The following NPAS3 variants were observed in gnomAD, a reference collection of about 807,000 sequenced individuals.
NPAS3 encodes the protein neuronal PAS domain protein 3, also known as neuronal PAS domain-containing protein 3.
A neutral mutation model predicts 73.1 loss-of-function variants in NPAS3; 14 were observed. That is an observed-to-expected ratio of 0.19 (90% CI 0.13 to 0.30). The LOEUF (loss-of-function observed/expected upper bound fraction) is 0.30, where lower values mean the gene tolerates loss of function less well. Among genes scored for constraint, NPAS3 ranks in the 10% least tolerant of loss-of-function variants. The probability of loss-of-function intolerance (pLI) is 1.00; values close to 1 mark genes in which losing one functional copy is unlikely to be tolerated. For missense variants in NPAS3, 1,096 were observed against 1,250.0 expected (o/e 0.88, Z 1.86); for synonymous variants, 620 against 541.5 (o/e 1.14, Z -2.01).
At chr14:33,421,032 T>C (rs2048341397) in intron 4 of NPAS3, among the ~76,000 whole-genome samples, 1 of 151,974 alleles carries the variant, frequency 6.6e-6, no homozygotes, top group Non-Finnish European at 1.5e-5. Context: ...TTTCATGCTA[T>C]ATTACTTTGT....
At chr14:33,172,087 A>T (rs117166791) in intron 2 of NPAS3, among the ~76,000 whole-genome samples, 90 of 152,302 alleles carry the variant, frequency 5.9e-4, no homozygotes, top group African/African-American at 2.1e-3. Context: ...CAAATGTAAC[A>T]GTGACATCAA....
intron 3 of NPAS3, among the ~76,000 whole-genome samples, chr14:33,220,302 A>G (rs2047376360): frequency 6.6e-6 from 1 of 152,170 alleles, no homozygotes; most frequent in Non-Finnish European, 1.5e-5. Context: ...GTGGGTACCC[A>G]GTGGAAACAG....
At chr14:33,421,151 G>T (rs1401313250) in intron 4 of NPAS3, among the ~76,000 whole-genome samples, 1 of 151,792 alleles carries the variant, frequency 6.6e-6, no homozygotes, top group Admixed American at 6.6e-5. Context: ...ATTTGTATGT[G>T]TATATAATCA....
intron 2 of NPAS3, among the ~76,000 whole-genome samples, chr14:33,197,264 TGTG>T (rs2046397196): frequency 1.2e-4 from 18 of 150,104 alleles, no homozygotes; most frequent in Admixed American, 2.0e-4. Flanking sequence ...TGTGTGTGTG[TGTG>T]TTCTTTTTCA....
intron 3 of NPAS3, among the ~76,000 whole-genome samples, chr14:33,281,488 C>T (rs956340679): frequency 2.0e-5 from 3 of 151,978 alleles, no homozygotes; most frequent in Non-Finnish European, 2.9e-5. Context: ...AAAAATTAGC[C>T]GGGCGTGGTG....
At chr14:33,686,570 C>A (rs1347798675) in intron 6 of NPAS3, among the ~76,000 whole-genome samples, 1 of 152,142 alleles carries the variant, frequency 6.6e-6, no homozygotes, top group African/African-American at 2.4e-5. Context: ...ATATGCATCA[C>A]CTCATTTATT....
intron 4 of NPAS3, among the ~76,000 whole-genome samples, chr14:33,499,801 G>A (rs1648716379): frequency 6.6e-6 from 1 of 152,030 alleles, no homozygotes; most frequent in South Asian, 2.1e-4. Context: ...CCTGTTGTAT[G>A]GATGCTTTCT....
At position 33,448,570 on chromosome 14, in the gene NPAS3, A is replaced by G. The variant is rs117635978; in HGVS notation, c.468+81302A>G. Among the ~76,000 whole-genome samples the G allele has an allele frequency of 9.0e-3, 1,377 of 152,280 alleles. 20 individuals are homozygous for G. Among genetic ancestry groups the G allele is most frequent in the South Asian group, 0.04 (195 of 4,820 alleles). On this transcript the variant is annotated intron_variant, in intron 4 of 11. Transcript: ENST00000356141. ...CATAGCGCTGTGGTTGTCCTTACCA[A>G]TTTAATGATGTTTCTGATGATCATT...
chr14:32,936,089 A>G (rs2035687141), upstream of NPAS3, among the ~76,000 whole-genome samples: 1 of 152,236 alleles, frequency 6.6e-6, no homozygotes, highest in Admixed American at 6.5e-5. Flanking sequence ...CTTGTATTTC[A>G]AACTTCATTG....
At chr14:33,724,566 G>A (rs558437048) in intron 6 of NPAS3, among the ~76,000 whole-genome samples, 3 of 152,072 alleles carry the variant, frequency 2.0e-5, no homozygotes, top group Admixed American at 6.5e-5. Context: ...CTTGGAGGTC[G>A]AGGCTACAGC....
intron 6 of NPAS3, among the ~76,000 whole-genome samples, chr14:33,692,909 A>T (rs1375133142): frequency 6.7e-6 from 1 of 148,636 alleles, no homozygotes; most frequent in Admixed American, 6.7e-5. Flanking sequence ...AAATATCAGC[A>T]GTGCCCAGAA....
At chr14:33,064,001 T>C (rs1475918704) in intron 2 of NPAS3, among the ~76,000 whole-genome samples, 2 of 141,466 alleles carry the variant, frequency 1.4e-5, no homozygotes, top group African/African-American at 5.2e-5. Flanking sequence ...TTATGTGTTA[T>C]AGTTGTTGTT....
rs538486075 is a variant in NPAS3 at position 33,731,428 on chromosome 14, A to C, written c.734-3786A>C. ...AGGAAGACCCTGTCTCATTTGAAAA[A>C]AAAAAAAAAAAAGAGAGAGAGAAAG... is the stretch of plus-strand genomic sequence containing the variant. On this transcript the variant is annotated intron_variant, in intron 6 of 11. Transcript: ENST00000356141. 2.0e-5 allele frequency among the ~76,000 whole-genome samples: 3 copies of C among 150,394 alleles called. No homozygotes were observed. The South Asian group carries it at 6.3e-4, about 32-fold the overall frequency.
intron 4 of NPAS3, among the ~76,000 whole-genome samples, chr14:33,387,550 C>T (rs372506291): frequency 2.6e-5 from 4 of 152,156 alleles, no homozygotes; most frequent in African/African-American, 9.6e-5. Context: ...TGTCCTTATT[C>T]ACCTCACACA....
At chr14:33,150,434 T>A (rs1450774515) in intron 2 of NPAS3, among the ~76,000 whole-genome samples, 1 of 152,216 alleles carries the variant, frequency 6.6e-6, no homozygotes, top group Middle Eastern at 3.2e-3. Flanking sequence ...GCTGCATTTC[T>A]TTTTGTTTTC....
chr14:33,134,136 T>C (rs2043745389), intron 2 of NPAS3, among the ~76,000 whole-genome samples: 1 of 152,190 alleles, frequency 6.6e-6, no homozygotes. Flanking sequence ...ACAAGTGAAT[T>C]TACACTTACA....
chr14:33,265,464 AC>A (rs2049135541), intron 3 of NPAS3, among the ~76,000 whole-genome samples: 1 of 151,842 alleles, frequency 6.6e-6, no homozygotes, highest in East Asian at 1.9e-4. Flanking sequence ...TTTGAACTTA[AC>A]CTTTTCTGTG....
At chr14:33,729,918 T>C (rs1171581280) in intron 6 of NPAS3, among the ~76,000 whole-genome samples, 4 of 152,206 alleles carry the variant, frequency 2.6e-5, no homozygotes, top group Non-Finnish European at 5.9e-5. Flanking sequence ...TCTGGGATAA[T>C]TTCTATGAGA....
At chr14:33,580,242 G>C (rs1417079112) in intron 5 of NPAS3, among the ~76,000 whole-genome samples, 1 of 152,144 alleles carries the variant, frequency 6.6e-6, no homozygotes, top group Non-Finnish European at 1.5e-5. Flanking sequence ...CCAGCTTCCT[G>C]GATGGAGAAT....
Sources: gnomAD v4.1 joint callset for allele counts (sites outside exome capture counted in the v4.1 genomes callset) on GRCh38, gnomAD v4.1.1 for gene constraint, MANE v1.5 for transcripts, NCBI Gene and HGNC (gene_info 2026-07-23, HGNC 2026-07-21) for gene names.